The following KDM6A variants were observed in gnomAD, a reference collection of about 807,000 sequenced individuals.
The protein encoded by KDM6A is lysine-specific demethylase 6A.
A neutral mutation model predicts 117.6 loss-of-function variants in KDM6A; 11 were observed. The ratio of observed to expected loss-of-function variants is 0.09; its 90% CI spans 0.06 to 0.15. KDM6A has a LOEUF of 0.15. Ranked by LOEUF, KDM6A falls within the 10% of genes least tolerant of loss-of-function variation. The probability of loss-of-function intolerance (pLI) is 1.00; values close to 1 mark genes in which losing one functional copy is unlikely to be tolerated. For synonymous variants in KDM6A, 384 were observed against 396.1 expected (o/e 0.97, Z 0.36); for missense variants, 799 against 1,077.3 (o/e 0.74, Z 3.62).
intron 25 of KDM6A, among the ~76,000 whole-genome samples, chrX:45,087,002 C>T (rs770938557): frequency 8.9e-6 from 1 of 112,039 alleles, no homozygotes; most frequent in East Asian, 2.8e-4. Flanking sequence ...TTATTTTTTC[C>T]TTTTTTAAGA....
At chrX:44,900,624 C>T (rs1315090945) in intron 2 of KDM6A, among the ~76,000 whole-genome samples, 1 of 111,886 alleles carries the variant, frequency 8.9e-6, no homozygotes, top group African/African-American at 3.2e-5. Flanking sequence ...TTTGGCCGGG[C>T]GTGGTGGCTC....
chrX:45,068,293 A>G (rs756490227), intron 17 of KDM6A, among the ~76,000 whole-genome samples: 55 of 111,040 alleles, frequency 5.0e-4, no homozygotes, highest in African/African-American at 1.7e-3. Flanking sequence ...AAATGAAAAT[A>G]TTCTTCTTAA....
chrX:44,998,644 T>A (rs777971145), intron 4 of KDM6A, among the ~76,000 whole-genome samples: 2 of 111,601 alleles, frequency 1.8e-5, no homozygotes, highest in Admixed American at 9.5e-5. Context: ...ACTCAGAGGG[T>A]TAATAGCAGA....
intron 6 of KDM6A, among the ~76,000 whole-genome samples, chrX:45,028,470 A>G (rs1226224144): frequency 8.9e-6 from 1 of 112,040 alleles, no homozygotes; most frequent in African/African-American, 3.2e-5. Flanking sequence ...AGATTGGATT[A>G]TGATTGAGGA....
At chrX:44,896,785 A>T (rs1468738064) in intron 2 of KDM6A, among the ~76,000 whole-genome samples, 1 of 109,846 alleles carries the variant, frequency 9.1e-6, no homozygotes, top group African/African-American at 3.3e-5. Context: ...TTCTTTAAGT[A>T]CTTGACAAGT....
chrX:44,903,241 G>A (rs2034461189), intron 2 of KDM6A, among the ~76,000 whole-genome samples: 2 of 111,897 alleles, frequency 1.8e-5, no homozygotes, highest in Non-Finnish European at 3.8e-5. Flanking sequence ...GGATAGTTTT[G>A]CTGAATCTAG....
chrX:44,968,107 C>T (rs2039127686), intron 3 of KDM6A, among the ~76,000 whole-genome samples: 1 of 112,279 alleles, frequency 8.9e-6, no homozygotes, highest in African/African-American at 3.2e-5. Flanking sequence ...TAAGCTGTGA[C>T]AGCCTTTACT....
At chrX:44,874,571 GT>G (rs2031275609) in intron 2 of KDM6A, among the ~76,000 whole-genome samples, 1 of 111,311 alleles carries the variant, frequency 9.0e-6, no homozygotes, top group African/African-American at 3.3e-5. Flanking sequence ...TACTTTTTGG[GT>G]CTTTTTGGCA....
At chrX:45,013,686 A>G (rs953899134) in intron 5 of KDM6A, among the ~76,000 whole-genome samples, 3 of 111,987 alleles carry the variant, frequency 2.7e-5, no homozygotes, top group African/African-American at 9.7e-5. Context: ...TTGAGTTTCA[A>G]TTCTTATAGC....
At chrX:44,988,102 C>T (rs1326913002) in intron 4 of KDM6A, among the ~76,000 whole-genome samples, 6 of 111,730 alleles carry the variant, frequency 5.4e-5, no homozygotes, top group Middle Eastern at 4.2e-3. Context: ...AGGCTTTGTT[C>T]GTTTCTTTTT....
intron 2 of KDM6A, among the ~76,000 whole-genome samples, chrX:44,884,442 C>T (rs2032647755): frequency 9.0e-6 from 1 of 111,650 alleles, no homozygotes; most frequent in East Asian, 2.8e-4. Flanking sequence ...GTTCCTACCA[C>T]TTACTAGATG....
chrX:44,895,552 C>G (rs2033777181), intron 2 of KDM6A, among the ~76,000 whole-genome samples: 1 of 91,180 alleles, frequency 1.1e-5, no homozygotes, highest in Admixed American at 1.3e-4. Flanking sequence ...GGTTTATTTG[C>G]TCTTTATATT....
chrX:45,104,172 A>G (rs968751070), intron 27 of KDM6A, among the ~76,000 whole-genome samples: 2 of 111,146 alleles, frequency 1.8e-5, no homozygotes, highest in Non-Finnish European at 3.8e-5. Flanking sequence ...TTACAGGCAT[A>G]TGCCACCACA....
At chrX:44,893,194 C>CA in intron 2 of KDM6A, among the ~76,000 whole-genome samples, 1 of 109,131 alleles carries the variant, frequency 9.2e-6, no homozygotes, top group East Asian at 2.9e-4. Flanking sequence ...AAAACAAAAA[C>CA]AAAAAAAACC....
At chrX:44,928,220 A>T (rs1449068674) in intron 2 of KDM6A, among the ~76,000 whole-genome samples, 1 of 112,309 alleles carries the variant, frequency 8.9e-6, no homozygotes, top group Non-Finnish European at 1.9e-5. Flanking sequence ...TGATAACTAC[A>T]TTGTGGTTAT....
At chrX:45,061,613 T>A (rs1261077367) in intron 15 of KDM6A, among the ~76,000 whole-genome samples, 194 bp downstream of exon 15, 1 of 103,794 alleles carries the variant, frequency 9.6e-6, no homozygotes, top group African/African-American at 3.6e-5. Context: ...TGCCTCAGCC[T>A]CCAGAGTAGC....
intron 4 of KDM6A, among the ~76,000 whole-genome samples, chrX:45,003,290 C>T (rs937081324): frequency 4.5e-5 from 5 of 110,859 alleles, no homozygotes; most frequent in Admixed American, 3.8e-4. Flanking sequence ...AAGGGAGTTC[C>T]TCCTAGGTCT....
intron 8 of KDM6A, among the ~76,000 whole-genome samples, chrX:45,043,172 C>A (rs2043363523): frequency 9.0e-6 from 1 of 110,838 alleles, no homozygotes; most frequent in African/African-American, 3.3e-5. Context: ...TGCCTGTAGT[C>A]CCAGCTGCTT....
At chrX:44,955,523 T>C (rs1160086518) in intron 2 of KDM6A, among the ~76,000 whole-genome samples, 1 of 111,236 alleles carries the variant, frequency 9.0e-6, no homozygotes. Flanking sequence ...AAAATATACA[T>C]AACATGCAAT....
Sources: gnomAD v4.1 joint callset for allele counts (sites outside exome capture counted in the v4.1 genomes callset) on GRCh38, gnomAD v4.1.1 for gene constraint, MANE v1.5 for transcripts, NCBI Gene and HGNC (gene_info 2026-07-23, HGNC 2026-07-21) for gene names.